The following IRF8 variants were observed in gnomAD, a reference collection of about 807,000 sequenced individuals.
The protein encoded by IRF8 is interferon consensus sequence binding protein 1.
A neutral mutation model predicts 48.7 loss-of-function variants in IRF8; 14 were observed. That is an observed-to-expected ratio of 0.29 (90% CI 0.19 to 0.45). The LOEUF (loss-of-function observed/expected upper bound fraction) is 0.45, where lower values mean the gene tolerates loss of function less well. IRF8 is among the 20% of genes least tolerant of loss of function. The probability of loss-of-function intolerance (pLI) is 1.00; values close to 1 mark genes in which losing one functional copy is unlikely to be tolerated. For synonymous variants in IRF8, 278 were observed against 227.3 expected, an observed-to-expected ratio of 1.22 and a Z score of -2.01; for missense variants, 493 against 580.7, an observed-to-expected ratio of 0.85 and a Z score of 1.55.
intron 7 of IRF8, 144 bp from the exon 8 acceptor site, chr16:85,919,965 C>G (rs567414034): frequency 1.4e-6 from 1 of 715,538 alleles, no homozygotes; most frequent in African/African-American, 1.8e-5. Flanking sequence ...GAATTTGGCC[C>G]AAGGGCCACC....
At chr16:85,914,105 C>G in intron 5 of IRF8, 1 of 318,714 alleles carries the variant, frequency 3.1e-6, no homozygotes, top group South Asian at 2.9e-5. Context: ...AGCTAGCTTG[C>G]ACCCCCAGGC....
At chr16:85,918,935 G>A (rs1905432051) in intron 7 of IRF8, 132 bp downstream of exon 7, 1 of 1,171,800 alleles carries the variant, frequency 8.5e-7, no homozygotes, top group Admixed American at 1.9e-5. Flanking sequence ...GCATGGTGTG[G>A]CAAGGAGGTG....
chr16:85,913,735 C>T (rs1295572306), intron 5 of IRF8, among the ~76,000 whole-genome samples: 5 of 152,218 alleles, frequency 3.3e-5, no homozygotes, highest in South Asian at 2.1e-4. Flanking sequence ...TTGAATCCCA[C>T]GCTGGGAAGT....
chr16:85,903,696 G>C (rs185134408), intron 2 of IRF8, among the ~76,000 whole-genome samples: 1 of 152,286 alleles, frequency 6.6e-6, no homozygotes, highest in East Asian at 1.9e-4. Context: ...TCTAAAAATA[G>C]TCTCACCTCC....
intron 1 of IRF8, among the ~76,000 whole-genome samples, chr16:85,900,629 G>A (rs1003428257): frequency 1.3e-5 from 2 of 152,206 alleles, no homozygotes; most frequent in Non-Finnish European, 2.9e-5. Flanking sequence ...CGCCGGCCTG[G>A]GTTCCAACAC....
rs772455187 is a variant in IRF8, at chr16:85,903,004, G to A, written c.-1-11G>A. On this transcript the variant is annotated splice_polypyrimidine_tract_variant and intron_variant, in intron 1 of 8. Transcript: ENST00000268638. The stretch of plus-strand genomic sequence containing the variant: ...CCGTAATATCACAGCGTGTATTTCT[G>A]TCTTTCCAAGGATGTGTGACCGGAA... 5.0e-6 allele frequency: 8 copies of A among 1,614,068 alleles called. No homozygotes were observed. The highest frequency in any genetic ancestry group is 1.3e-5 in the African/African-American group (1 of 75,046).
intron 5 of IRF8, 26 bp downstream of exon 5, chr16:85,913,262 C>A: frequency 6.6e-7 from 1 of 1,521,888 alleles, no homozygotes; most frequent in Non-Finnish European, 9.1e-7. Flanking sequence ...CTAGAATTGT[C>A]ACCAGGCATG....
At chr16:85,915,695 G>A (rs1905281693) in intron 6 of IRF8, among the ~76,000 whole-genome samples, 1 of 152,232 alleles carries the variant, frequency 6.6e-6, no homozygotes, top group Admixed American at 6.5e-5. Flanking sequence ...GGGTCATGAG[G>A]CTAAGCCTCC....
chr16:85,910,938 C>T (rs908239004), intron 3 of IRF8, among the ~76,000 whole-genome samples: 1 of 152,154 alleles, frequency 6.6e-6, no homozygotes, highest in South Asian at 2.1e-4. Flanking sequence ...GGTAAGTTGT[C>T]GACTGAGGAA....
intron 5 of IRF8, 138 bp downstream of exon 5, chr16:85,913,374 G>A: frequency 4.3e-6 from 3 of 694,838 alleles, no homozygotes; most frequent in Non-Finnish European, 7.8e-6. Flanking sequence ...CCTGAGAGGT[G>A]AAGAACGATG....
At chr16:85,908,841 G>C (rs1359965885) in intron 2 of IRF8, 149 bp from the exon 3 acceptor site, 1 of 760,730 alleles carries the variant, frequency 1.3e-6, no homozygotes. Flanking sequence ...CATCTGATTG[G>C]AGTCTCTTTG....
chr16:85,913,386 C>A lies in IRF8; in HGVS notation c.553+150C>A, dbSNP rs559316220. ...AGCCCTGAGAGGTGAAGAACGATGG[C>A]CCTGGTTTCCCAACATGAGGGCAGA... On this transcript the variant is annotated intron_variant, in intron 5 of 8. Transcript: ENST00000268638. The A allele has an allele frequency of 6.4e-5, 43 of 670,224 alleles. No homozygotes were observed. The South Asian group carries it at 7.0e-4, about 11-fold the overall frequency. The allele number at this position is 670,224 out of a possible 1,614,324, so 41.5% of individuals were successfully genotyped here.
chr16:85,899,870 T>C (rs1904771823), intron 1 of IRF8, among the ~76,000 whole-genome samples: 1 of 152,194 alleles, frequency 6.6e-6, no homozygotes, highest in African/African-American at 2.4e-5. Flanking sequence ...AGGACAGACT[T>C]TCCTAAGGTG....
intron 2 of IRF8, among the ~76,000 whole-genome samples, chr16:85,907,429 C>G (rs1905036734): frequency 6.6e-6 from 1 of 152,228 alleles, no homozygotes; most frequent in African/African-American, 2.4e-5. Context: ...CCTGTAAGCC[C>G]AGCACTTTGG....
At chr16:85,909,365 T>A (rs1373575424) in intron 3 of IRF8, 192 bp downstream of exon 3, 6 of 622,900 alleles carry the variant, frequency 9.6e-6, no homozygotes, top group African/African-American at 1.8e-5. Flanking sequence ...GCGGAGGAGA[T>A]TGGGTGCTGC....
At chr16:85,907,042 A>T (rs565995305) in intron 2 of IRF8, among the ~76,000 whole-genome samples, 1 of 152,374 alleles carries the variant, frequency 6.6e-6, no homozygotes, top group Non-Finnish European at 1.5e-5. Flanking sequence ...AACCCAAATT[A>T]ATGCCCGGTC....
Position 85,909,772 on chromosome 16 carries a change from A to G in IRF8, c.358+599A>G, listed in dbSNP as rs560382342. The G allele has an allele frequency of 1.3e-4, 21 of 158,262 alleles. No homozygotes were observed. In the South Asian group the frequency reaches 3.2e-3, roughly 24 times the overall value. The allele number at this position is 158,262 out of a possible 1,614,324, so 9.8% of individuals were successfully genotyped here. The stretch of plus-strand genomic sequence containing the variant: ...CACCCTGGTCCTACATCACTAAAAT[A>G]AATCCCAAAGTACTGAGCTGGGATC... On this transcript the variant is annotated intron_variant, in intron 3 of 8. Transcript: ENST00000268638.
rs1905425876 is a variant in IRF8, at chr16:85,918,820, C to G, written c.988+17C>G. 1 of 1,604,148 alleles carries G rather than the reference C, an allele frequency of 6.2e-7. No homozygotes were observed. Reference sequence around the variant, plus strand: ...TCTTCCGAGGTCTGTACCGTCGTCACCTTGCTGCCCCCACATCTTAGAGAT... The same window carrying G: ...TCTTCCGAGGTCTGTACCGTCGTCAGCTTGCTGCCCCCACATCTTAGAGAT... On this transcript the variant is annotated intron_variant, in intron 7 of 8. Transcript: ENST00000268638.
At chr16:85,919,703 G>A (rs1042879410) in intron 7 of IRF8, among the ~76,000 whole-genome samples, 5 of 152,200 alleles carry the variant, frequency 3.3e-5, no homozygotes, top group Non-Finnish European at 5.9e-5. Context: ...GACTGCTGCC[G>A]GTCCACCGGC....
Sources: allele counts gnomAD v4.1 joint callset (sites outside exome capture counted in the v4.1 genomes callset), GRCh38; gene constraint gnomAD v4.1.1; transcripts MANE v1.5; gene names NCBI Gene and HGNC (gene_info 2026-07-23, HGNC 2026-07-21).